Variants in RANBP2 observed in about 807,000 individuals in gnomAD.
The protein encoded by RANBP2 is RAN binding protein 2.
RANBP2 carries 57 observed loss-of-function variants against 303.6 expected under a neutral mutation model. The observed-to-expected ratio is 0.19, with a 90% CI of 0.15 to 0.23. The LOEUF (loss-of-function observed/expected upper bound fraction) is 0.23, where lower values mean the gene tolerates loss of function less well. RANBP2 is among the 10% of genes least tolerant of loss of function. RANBP2 has a pLI of 1.00. For synonymous variants in RANBP2, 1,167 were observed against 1,301.5 expected (o/e 0.90, Z 2.23); for missense variants, 3,138 against 3,780.8 (o/e 0.83, Z 4.46).
At chr2:109,117,827 G>A in the RANBP2 span, among the ~76,000 whole-genome samples, 2 of 152,176 alleles carry the variant, frequency 1.3e-5, no homozygotes, top group South Asian at 2.1e-4. Context: ...TAATATTTTC[G>A]ATCCTGTGTA....
chr2:109,203,774 C>T, the RANBP2 span, among the ~76,000 whole-genome samples: 2 of 152,184 alleles, frequency 1.3e-5, no homozygotes, highest in African/African-American at 4.8e-5. Context: ...TTCACACCCT[C>T]GGTCCATCCA....
the RANBP2 span, among the ~76,000 whole-genome samples, chr2:109,384,054 C>T: frequency 2.6e-5 from 4 of 152,204 alleles, no homozygotes; most frequent in East Asian, 5.8e-4. Flanking sequence ...ACCACTTGCT[C>T]CTCCCACCCT....
the RANBP2 span, among the ~76,000 whole-genome samples, chr2:109,498,433 G>A: frequency 6.6e-6 from 1 of 152,140 alleles, no homozygotes; most frequent in Admixed American, 6.5e-5. Context: ...CATAGGACTG[G>A]GCCTTGGTCT....
At chr2:109,734,356 C>T in the RANBP2 span, among the ~76,000 whole-genome samples, 6 of 151,818 alleles carry the variant, frequency 4.0e-5, no homozygotes, top group Admixed American at 3.9e-4. Context: ...TTCTATACAC[C>T]AGAAGGAAAT....
chr2:108,969,212 TC>T, the RANBP2 span, among the ~76,000 whole-genome samples: 1 of 151,932 alleles, frequency 6.6e-6, no homozygotes, highest in South Asian at 2.1e-4. Context: ...TTGACAACCT[TC>T]TTTTTTTTTT....
intron 6 of RANBP2, among the ~76,000 whole-genome samples, chr2:108,738,628 C>CTT (rs373620543): frequency 1.8e-4 from 25 of 136,596 alleles, no homozygotes; most frequent in South Asian, 2.3e-4. Context: ...ATAATAATAG[C>CTT]TTTTTTTTTT....
chr2:109,411,092 T>C, the RANBP2 span, among the ~76,000 whole-genome samples: 1 of 152,208 alleles, frequency 6.6e-6, no homozygotes, highest in Non-Finnish European at 1.5e-5. Flanking sequence ...CAGGCCTGCG[T>C]CCAGGGCCAA....
At chr2:109,590,845 G>A in the RANBP2 span, among the ~76,000 whole-genome samples, 2 of 152,146 alleles carry the variant, frequency 1.3e-5, no homozygotes, top group Admixed American at 6.5e-5. Flanking sequence ...GTCTCTAGGA[G>A]CTGACAACAA....
the RANBP2 span, among the ~76,000 whole-genome samples, chr2:108,836,776 C>T: frequency 2.0e-5 from 3 of 151,692 alleles, no homozygotes; most frequent in African/African-American, 7.3e-5. Context: ...AGTTTTTTAC[C>T]TCCTTGCTTA....
the RANBP2 span, among the ~76,000 whole-genome samples, chr2:108,839,813 A>G: frequency 1.3e-5 from 2 of 151,958 alleles, no homozygotes; most frequent in African/African-American, 4.8e-5. Flanking sequence ...TGCAAATGAA[A>G]ACAGTGTTGT....
the RANBP2 span, among the ~76,000 whole-genome samples, chr2:109,318,193 A>C: frequency 1.3e-5 from 2 of 152,058 alleles, no homozygotes; most frequent in Admixed American, 1.3e-4. Flanking sequence ...GCAAAACATA[A>C]GCATTTGGCA....
chr2:108,792,996 G>A, the RANBP2 span, among the ~76,000 whole-genome samples: 151 of 151,714 alleles, frequency 1.0e-3, no homozygotes, highest in African/African-American at 3.5e-3. Flanking sequence ...CCCGGGAAGC[G>A]GAGGTTGCAG....
intron 23 of RANBP2, among the ~76,000 whole-genome samples, chr2:108,773,679 G>A (rs1009041195): frequency 5.4e-5 from 8 of 148,134 alleles, no homozygotes; most frequent in South Asian, 2.1e-4. Context: ...ATGGAGTTTC[G>A]CTCTGTCGCC....
At chr2:109,419,626 C>T in the RANBP2 span, 1 of 1,583,708 alleles carries the variant, frequency 6.3e-7, no homozygotes, top group Non-Finnish European at 8.6e-7. Flanking sequence ...TCCCAAGGTC[C>T]AGCTGCCCCT....
At chr2:109,568,670 G>GCCT in the RANBP2 span, among the ~76,000 whole-genome samples, 135,054 of 151,938 alleles carry the variant, frequency 0.89, 60,098 homozygotes, top group Middle Eastern at 0.96. Context: ...AAACTGAATT[G>GCCT]CCTCAATTCA....
At chr2:108,994,487 C>A in the RANBP2 span, among the ~76,000 whole-genome samples, 3 of 152,184 alleles carry the variant, frequency 2.0e-5, no homozygotes, top group Non-Finnish European at 2.9e-5. Context: ...TTTAGCTCAA[C>A]AGTACACATC....
chr2:109,674,788 GTTTGCTAGCT>G, the RANBP2 span, among the ~76,000 whole-genome samples: 40 of 152,170 alleles, frequency 2.6e-4, no homozygotes, highest in Admixed American at 1.7e-3. Flanking sequence ...AGCCCCCTGA[GTTTGCTAGCT>G]TTCTCCTGTC....
chr2:109,149,499 G>A, the RANBP2 span, among the ~76,000 whole-genome samples: 13 of 152,216 alleles, frequency 8.5e-5, no homozygotes, highest in African/African-American at 1.7e-4. Flanking sequence ...TCAAAGGAAG[G>A]CACAGGGCTC....
the RANBP2 span, among the ~76,000 whole-genome samples, chr2:109,286,818 A>AC: frequency 1.3e-5 from 2 of 152,220 alleles, no homozygotes; most frequent in Non-Finnish European, 2.9e-5. Context: ...TCACAGGGCC[A>AC]GTAGCCATTC....
Sources: allele counts gnomAD v4.1 joint callset (sites outside exome capture counted in the v4.1 genomes callset), GRCh38; gene constraint gnomAD v4.1.1; transcripts MANE v1.5; gene names NCBI Gene and HGNC (gene_info 2026-07-23, HGNC 2026-07-21).